The following CCHCR1 variants were observed in gnomAD, a reference collection of about 807,000 sequenced individuals.
CCHCR1 encodes the protein HCR (a-helix coiled-coil rod homologue).
In CCHCR1, 91 loss-of-function variants were observed where a neutral mutation model predicts 114.6. That is an observed-to-expected ratio of 0.79 (90% CI 0.67 to 0.94). CCHCR1 has a LOEUF of 0.94. Ranked by LOEUF, CCHCR1 falls within the 40% of genes least tolerant of loss-of-function variation. The pLI, the probability that CCHCR1 is intolerant of heterozygous loss-of-function variation, is 0.00. For missense variants in CCHCR1, 899 were observed against 1,079.9 expected, an observed-to-expected ratio of 0.83 and a Z score of 2.35; for synonymous variants, 379 against 428.5, an observed-to-expected ratio of 0.88 and a Z score of 1.43.
intron 10 of CCHCR1, among the ~76,000 whole-genome samples, chr6:31,147,935 G>A (rs538937502): frequency 2.0e-5 from 3 of 152,156 alleles, no homozygotes; most frequent in Non-Finnish European, 2.9e-5. Flanking sequence ...CCAAGATTGC[G>A]CCATTGCACT....
upstream of CCHCR1, chr6:31,157,949 C>T: frequency 5.8e-6 from 2 of 343,802 alleles, no homozygotes; most frequent in Admixed American, 4.4e-5. Flanking sequence ...CTGCCCTCGC[C>T]CCCTGTACGC....
chr6:31,155,025 A>G (rs1218536118), intron 3 of CCHCR1, among the ~76,000 whole-genome samples: 2 of 152,212 alleles, frequency 1.3e-5, no homozygotes, highest in East Asian at 3.9e-4. Context: ...CAGGACCTAA[A>G]GTCTGGCTGA....
In CCHCR1 at chr6:31,150,457, T is replaced by G; in HGVS notation, c.1210A>C (p.Lys404Gln). ...GGGGTCTGGGGGTTGGGCTGTACCT[T>G]CCTGGTCAGCTCCTCCTCCTGCAGG... ...LALQEEELTR[K>Q]VQPSDSLEPE... Residue 404 changes from lysine to glutamine, a missense_variant and splice_region_variant, in exon 7 of 18, where the codon AAG (lysine) becomes CAG (glutamine). Lys to Gln is a moderately conservative substitution (Grantham distance 53). Coordinates refer to ENST00000396268, the MANE Select transcript of CCHCR1 (RefSeq NM_001105564.2). This position sits in a 1 kb window ranked among gnomAD's most constrained non-coding sequence, Gnocchi z 5.3. 1 of 1,611,108 alleles carries G rather than the reference T, an allele frequency of 6.2e-7. No individual in the cohort carries two copies.
chr6:31,157,022 C>A lies in CCHCR1; in HGVS notation c.283+1G>T. ...CACTCCCCTTGTCTGGTCCCACTGA[C>A]CTGAAGGTGGAAACATCTCCACATT... On this transcript the variant is annotated splice_donor_variant, in intron 2 of 17. Coordinates refer to ENST00000396268, the MANE Select transcript of CCHCR1 (RefSeq NM_001105564.2). LOFTEE classifies it high-confidence loss of function. 6.2e-7 allele frequency: 1 copy of A among 1,612,352 alleles called. No individual in the cohort carries two copies. Among genetic ancestry groups the A allele is most frequent in the South Asian group, 1.1e-5 (1 of 91,054 alleles).
At position 31,150,343 on chromosome 6, in the gene CCHCR1, G is replaced by T; in HGVS notation, c.1212+112C>A. 2 of 1,342,848 alleles carry T rather than the reference G, an allele frequency of 1.5e-6. No homozygotes were observed. Among genetic ancestry groups the T allele is most frequent in the Non-Finnish European group, 2.1e-6 (2 of 954,500 alleles). The allele number at this position is 1,342,848 out of a possible 1,614,324, so 83.2% of individuals were successfully genotyped here. On this transcript the variant is annotated intron_variant, in intron 7 of 17. Coordinates refer to ENST00000396268, the MANE Select transcript of CCHCR1 (RefSeq NM_001105564.2). The surrounding 1 kb of genome is among the most constrained non-coding windows in gnomAD (Gnocchi z 5.3). ...CAGCAAGAGGAGTTCACAGGAAGGA[G>T]ATCTAAGCAGGTTCTGGGGCACATT...
chr6:31,144,620 A>G lies in CCHCR1; in HGVS notation c.2167+67T>C. 9.8e-7 allele frequency: 1 copy of G among 1,022,218 alleles called. No homozygotes were observed. The highest frequency in any genetic ancestry group is 1.5e-6 in the Non-Finnish European group (1 of 680,450). The allele number at this position is 1,022,218 out of a possible 1,614,324, so 63.3% of individuals were successfully genotyped here. ...AGCTTTGAACACACTTTGAGGGGAA[A>G]ATAATAACCTTATGTCTTAACACTT... On this transcript the variant is annotated intron_variant, in intron 15 of 17. Transcript: ENST00000396268. The surrounding 1 kb of genome is among the most constrained non-coding windows in gnomAD (Gnocchi z 4.6).
chr6:31,156,619 T>G, intron 3 of CCHCR1, 112 bp downstream of exon 3: 2 of 860,998 alleles, frequency 2.3e-6, no homozygotes, highest in Middle Eastern at 3.4e-4. Flanking sequence ...ATTGCTTACA[T>G]AAAAATGAGT....
rs750668764 is a variant in CCHCR1 at position 31,144,978 on chromosome 6, G to T, written c.1972C>A (p.Leu658Met). 59 of 1,608,836 alleles carry T rather than the reference G, an allele frequency of 3.7e-5. No individual in the cohort carries two copies. The East Asian group carries it at 1.3e-3, about 35-fold the overall frequency. Residue 658 changes from leucine to methionine, a missense_variant, in exon 14 of 18, where the codon CTG becomes ATG. Transcript: ENST00000396268. This position sits in a 1 kb window ranked among gnomAD's most constrained non-coding sequence, Gnocchi z 4.6. ...QESLASLGLQLEVARQGQQES... is the reference protein window; with the variant it reads ...QESLASLGLQMEVARQGQQES... ...TGCTGGCCCTGGCGTGCTACCTCCA[G>T]CTGCAGCCCCAAGCTAGCCAGGGAC...
rs1376257475 is a variant in CCHCR1, at chr6:31,143,311, C to G, written c.2270G>C (p.Arg757Pro). 1 of 1,612,776 alleles carries G rather than the reference C, an allele frequency of 6.2e-7. No homozygotes were observed. Among genetic ancestry groups the G allele is most frequent in the African/African-American group, 1.3e-5 (1 of 75,032 alleles). Residue 757 changes from arginine to proline, a missense_variant, in exon 16 of 18, where the codon CGA (arginine) becomes CCA (proline). By Grantham distance (103) the Arg-to-Pro change is moderately radical. Coordinates refer to ENST00000396268, the MANE Select transcript of CCHCR1 (RefSeq NM_001105564.2). This position sits in a 1 kb window ranked among gnomAD's most constrained non-coding sequence, Gnocchi z 5.3. ...TAGCTCCTGCAAGCGCCGGGCCAGT[C>G]GCTGCCCCTCCTCCTTCCGGGCCTC... The part of the protein sequence containing the change: ...QEEARKEEGQ[R>P]LARRLQELER...
Position 31,150,586 on chromosome 6 carries a change from C to T in CCHCR1, c.1102-21G>A. 6.2e-7 allele frequency: 1 copy of T among 1,603,998 alleles called. No homozygotes were observed. Among genetic ancestry groups the T allele is most frequent in the Non-Finnish European group, 8.5e-7 (1 of 1,174,570 alleles). On this transcript the variant is annotated intron_variant, in intron 6 of 17. Coordinates refer to ENST00000396268, the MANE Select transcript of CCHCR1 (RefSeq NM_001105564.2). This position sits in a 1 kb window ranked among gnomAD's most constrained non-coding sequence, Gnocchi z 5.3. ...AAGTGCTGCGGGCAGAGGAAAGCAG[C>T]CCCTCTGTAGGGCCTCCATGCCGCC...
At chr6:31,146,601 C>T (rs1464898818) in intron 10 of CCHCR1, among the ~76,000 whole-genome samples, 10 of 152,132 alleles carry the variant, frequency 6.6e-5, no homozygotes, top group Non-Finnish European at 1.3e-4. Flanking sequence ...CAGCTGCATC[C>T]CCAGCAGCAC....
chr6:31,148,773 G>T, intron 8 of CCHCR1, 45 bp from the exon 9 acceptor site: 1 of 1,179,910 alleles, frequency 8.5e-7, no homozygotes. Context: ...AGAGCTAAAA[G>T]ATGAGGGGGG....
rs779730871 is a variant in CCHCR1 at position 31,145,062 on chromosome 6, G to C, written c.1888C>G (p.Arg630Gly). 3 of 1,600,338 alleles carry C rather than the reference G, an allele frequency of 1.9e-6. No homozygotes were observed. The East Asian group carries it at 6.7e-5, about 36-fold the overall frequency. ...GRAREQGEAERQQLSKVAQQL... is the reference protein window; with the variant it reads ...GRAREQGEAEGQQLSKVAQQL... The stretch of plus-strand genomic sequence containing the variant: ...TGGGCCACCTTGCTCAGCTGCTGCC[G>C]CTCTGCCTCCCCTAAAAGGAGGGGG... Residue 630 changes from arginine to glycine, a missense_variant, in exon 14 of 18, where the codon CGG (arginine) becomes GGG (glycine). Arg to Gly is a moderately radical substitution (Grantham distance 125, BLOSUM62 -2). Transcript: ENST00000396268.
chr6:31,149,449 T>C (rs1303408844), intron 8 of CCHCR1: 1 of 152,262 alleles, frequency 6.6e-6, no homozygotes, highest in African/African-American at 2.4e-5. Context: ...CTACTTTCTT[T>C]TTTTTTGAGA....
Position 31,145,068 on chromosome 6 carries a change from C to T in CCHCR1, c.1882G>A (p.Ala628Thr). ...ACCTTGCTCAGCTGCTGCCGCTCTG[C>T]CTCCCCTAAAAGGAGGGGGTGCTGG... is the stretch of plus-strand genomic sequence containing the variant. ...EVGRAREQGE[A>T]ERQQLSKVAQ... The change falls in exon 14 of 18, where the codon GCA (alanine) becomes ACA (threonine). Residue 628 changes from alanine to threonine, a missense_variant. Physicochemically the swap from Ala to Thr is moderately conservative, Grantham distance 58 (BLOSUM62 0). Coordinates refer to ENST00000396268, the MANE Select transcript of CCHCR1 (RefSeq NM_001105564.2). The T allele has an allele frequency of 1.2e-6, 2 of 1,600,116 alleles. No individual in the cohort carries two copies. The highest frequency in any genetic ancestry group is 1.7e-6 in the Non-Finnish European group (2 of 1,176,664).
intron 3 of CCHCR1, chr6:31,156,444 C>T (rs1325281803): frequency 4.3e-6 from 2 of 467,908 alleles, no homozygotes; most frequent in African/African-American, 4.1e-5. Flanking sequence ...CATCTTGCCT[C>T]ATACCATGCT....
intron 10 of CCHCR1, among the ~76,000 whole-genome samples, chr6:31,147,071 T>C (rs2240061): frequency 0.064 from 9,699 of 152,104 alleles, 508 homozygotes; most frequent in East Asian, 0.17. Context: ...AGCCTCACGA[T>C]AACAATAAAC....
At position 31,150,587 on chromosome 6, in the gene CCHCR1, C is replaced by T; in HGVS notation, c.1102-22G>A. On this transcript the variant is annotated intron_variant, in intron 6 of 17. Coordinates refer to ENST00000396268, the MANE Select transcript of CCHCR1 (RefSeq NM_001105564.2). This position sits in a 1 kb window ranked among gnomAD's most constrained non-coding sequence, Gnocchi z 5.3. ...AGTGCTGCGGGCAGAGGAAAGCAGCCCCTCTGTAGGGCCTCCATGCCGCCT... is the reference window on the plus strand; with the variant it reads ...AGTGCTGCGGGCAGAGGAAAGCAGCTCCTCTGTAGGGCCTCCATGCCGCCT... 1.2e-6 allele frequency: 2 copies of T among 1,601,838 alleles called. No individual in the cohort carries two copies. Among genetic ancestry groups the T allele is most frequent in the Non-Finnish European group, 8.5e-7 (1 of 1,172,570 alleles).
chr6:31,150,460 T>C lies in CCHCR1; in HGVS notation c.1207A>G (p.Arg403Gly). Reference protein sequence around the residue: ...ILALQEEELTRKVQPSDSLEP... With the variant: ...ILALQEEELTGKVQPSDSLEP... Reference sequence around the variant, plus strand: ...GTCTGGGGGTTGGGCTGTACCTTCCTGGTCAGCTCCTCCTCCTGCAGGGCG... The same window carrying C: ...GTCTGGGGGTTGGGCTGTACCTTCCCGGTCAGCTCCTCCTCCTGCAGGGCG... Residue 403 changes from arginine (R) to glycine (G), a missense_variant, in exon 7 of 18, where the codon AGG becomes GGG. Arg to Gly is a moderately radical substitution (Grantham distance 125). Coordinates refer to ENST00000396268, the MANE Select transcript of CCHCR1 (RefSeq NM_001105564.2). This position sits in a 1 kb window ranked among gnomAD's most constrained non-coding sequence, Gnocchi z 5.3. 1 of 1,611,422 alleles carries C rather than the reference T, an allele frequency of 6.2e-7. No individual in the cohort carries two copies.
Sources: gnomAD v4.1 joint callset for allele counts (sites outside exome capture counted in the v4.1 genomes callset) on GRCh38, gnomAD v4.1.1 for gene constraint, Gnocchi (gnomAD v3.1) non-coding constraint, MANE v1.5 for transcripts, NCBI Gene and HGNC (gene_info 2026-07-23, HGNC 2026-07-21) for gene names.